RUNX1T1: variants seen among roughly 807,000 people sequenced by gnomAD.
The protein encoded by RUNX1T1 is RUNX1 partner transcriptional co-repressor 1.
Under a neutral mutation model 62.8 loss-of-function variants are expected in RUNX1T1, and 4 were observed. The observed-to-expected ratio is 0.06, with a 90% CI of 0.03 to 0.15. The LOEUF (loss-of-function observed/expected upper bound fraction) is 0.15, where lower values mean the gene tolerates loss of function less well. RUNX1T1 is among the 10% of genes least tolerant of loss of function. RUNX1T1 has a pLI of 1.00. For synonymous variants in RUNX1T1, 291 were observed against 286.0 expected (o/e 1.02, Z -0.18); for missense variants, 508 against 754.3 (o/e 0.67, Z 3.82).
intron 1 of RUNX1T1, among the ~76,000 whole-genome samples, chr8:92,078,854 C>A (rs529882039): frequency 1.3e-5 from 2 of 152,142 alleles, no homozygotes; most frequent in African/African-American, 2.4e-5. Context: ...TAACCATATG[C>A]GCAATGTATT....
At chr8:92,044,893 G>A (rs891257587) in intron 1 of RUNX1T1, among the ~76,000 whole-genome samples, 5 of 152,142 alleles carry the variant, frequency 3.3e-5, no homozygotes, top group African/African-American at 1.2e-4. Context: ...ATACTCAGGA[G>A]TCAATTAATT....
At chr8:92,027,085 C>A (rs2131273468) in intron 1 of RUNX1T1, among the ~76,000 whole-genome samples, 1 of 138,910 alleles carries the variant, frequency 7.2e-6, no homozygotes, top group Non-Finnish European at 1.5e-5. Flanking sequence ...CACTGCGCTC[C>A]AGCCTGGGCG....
At chr8:92,081,557 T>A (rs1220913559) in intron 1 of RUNX1T1, among the ~76,000 whole-genome samples, 7 of 148,628 alleles carry the variant, frequency 4.7e-5, no homozygotes, top group Non-Finnish European at 8.9e-5. Flanking sequence ...TTTTTTTAAA[T>A]CTAATTTCAT....
intron 10 of RUNX1T1, among the ~76,000 whole-genome samples, chr8:91,969,878 C>T (rs751349223): frequency 3.4e-4 from 52 of 152,086 alleles, no homozygotes; most frequent in Non-Finnish European, 2.5e-4. Context: ...TAAAGTTACT[C>T]TGGGGTTAAG....
intron 1 of RUNX1T1, among the ~76,000 whole-genome samples, chr8:92,092,411 T>C (rs1359479506): frequency 6.6e-6 from 1 of 152,202 alleles, no homozygotes; most frequent in East Asian, 1.9e-4. Context: ...AGCTTTTGTA[T>C]GCAGGCACTC....
At chr8:92,040,450 C>T (rs1418951832) in intron 1 of RUNX1T1, among the ~76,000 whole-genome samples, 1 of 152,186 alleles carries the variant, frequency 6.6e-6, no homozygotes, top group African/African-American at 2.4e-5. Context: ...CAATGCTTAG[C>T]ACACAGCTAA....
At chr8:91,991,764 A>G in exon 6 of RUNX1T1, 3 of 1,614,112 alleles carry the variant, frequency 1.9e-6, no homozygotes, top group Non-Finnish European at 2.5e-6. Context: ...AGGGTGAGGC[A>G]GGCCATTGGG....
chr8:92,041,184 T>G (rs1213620413), intron 1 of RUNX1T1, among the ~76,000 whole-genome samples: 2 of 152,152 alleles, frequency 1.3e-5, no homozygotes, highest in African/African-American at 4.8e-5. Context: ...AAAGAATAAA[T>G]AATTTGTCCA....
intron 1 of RUNX1T1, among the ~76,000 whole-genome samples, chr8:92,091,327 T>C (rs748413417): frequency 1.1e-4 from 17 of 152,224 alleles, no homozygotes; most frequent in African/African-American, 1.9e-4. Flanking sequence ...AAGGAGATGA[T>C]TTTAAGTTGG....
At chr8:92,007,721 A>T (rs904205748) in intron 4 of RUNX1T1, among the ~76,000 whole-genome samples, 11 of 151,820 alleles carry the variant, frequency 7.2e-5, no homozygotes, top group Admixed American at 4.6e-4. Flanking sequence ...CCATAGAAAA[A>T]CACTTCAGGA....
chr8:91,987,804 C>T (rs559073177), intron 6 of RUNX1T1, among the ~76,000 whole-genome samples: 2 of 152,206 alleles, frequency 1.3e-5, no homozygotes, highest in South Asian at 2.1e-4. Context: ...AATCTGGAAA[C>T]GTGTTATTCC....
rs939383185 is a variant in RUNX1T1 at position 92,096,963 on chromosome 8, C to G, written c.-86+2617G>C. Among the ~76,000 whole-genome samples, 5 of 152,150 alleles carry G rather than the reference C, an allele frequency of 3.3e-5. No homozygotes were observed. The South Asian group carries it at 1.0e-3, about 32-fold the overall frequency. On this transcript the variant is annotated intron_variant, in intron 1 of 11. Coordinates refer to the RUNX1T1 transcript ENST00000265814. ...ATCGGTTTTATGTATAGTTGAGCAC[C>G]GCCCCCTCTCCCCCACCCCACCCAA...
At chr8:91,992,055 T>A (rs1817784138) in intron 5 of RUNX1T1, among the ~76,000 whole-genome samples, 166 bp from the exon 7 acceptor site, 1 of 152,202 alleles carries the variant, frequency 6.6e-6, no homozygotes, top group Non-Finnish European at 1.5e-5. Context: ...GAGACCTGTG[T>A]CGAGACCTAA....
chr8:92,028,100 A>G (rs1023001642), intron 1 of RUNX1T1, among the ~76,000 whole-genome samples: 149 of 37,500 alleles, frequency 4.0e-3, no homozygotes, highest in South Asian at 5.5e-3. Context: ...GGAAGGAAGG[A>G]GGGAAAGAAG....
intron 1 of RUNX1T1, among the ~76,000 whole-genome samples, chr8:92,038,446 C>A (rs1479325864): frequency 1.3e-5 from 2 of 151,890 alleles, no homozygotes; most frequent in African/African-American, 4.8e-5. Context: ...AACAGAAACA[C>A]AAAGGGAGGG....
At chr8:91,959,672 T>G in exon 11 of RUNX1T1, 2 of 228,444 alleles carry the variant, frequency 8.8e-6, no homozygotes, top group East Asian at 1.2e-4. Flanking sequence ...TCCAATCTGC[T>G]GCACATCTGC....
At chr8:92,036,823 T>G (rs1230594663) in intron 1 of RUNX1T1, among the ~76,000 whole-genome samples, 1 of 152,172 alleles carries the variant, frequency 6.6e-6, no homozygotes, top group African/African-American at 2.4e-5. Context: ...CTTCAGTGTT[T>G]CCTTGTTCTC....
chr8:92,053,773 A>G (rs1265339758), intron 1 of RUNX1T1, among the ~76,000 whole-genome samples: 2 of 151,892 alleles, frequency 1.3e-5, no homozygotes, highest in African/African-American at 4.8e-5. Context: ...CCTCTCATCC[A>G]CTCACTTATT....
At chr8:92,084,767 T>A (rs1459592736) in intron 1 of RUNX1T1, among the ~76,000 whole-genome samples, 3 of 152,044 alleles carry the variant, frequency 2.0e-5, no homozygotes. Flanking sequence ...AGAGCTTAGG[T>A]GTCCAAACGT....
Sources: allele counts gnomAD v4.1 joint callset (sites outside exome capture counted in the v4.1 genomes callset), GRCh38; gene constraint gnomAD v4.1.1; transcripts MANE v1.5; gene names NCBI Gene and HGNC (gene_info 2026-07-23, HGNC 2026-07-21).